Variants in DNAJC24 observed in about 807,000 individuals in gnomAD.
DNAJC24 encodes the protein DnaJ heat shock protein family (Hsp40) member C24.
DNAJC24 carries 17 observed loss-of-function variants against 18.0 expected under a neutral mutation model. The observed-to-expected ratio is 0.94, with a 90% CI of 0.65 to 1.42. The LOEUF is 1.42. DNAJC24 is among the 40% of genes most tolerant of loss of function. DNAJC24 has a pLI of 0.00. For missense variants in DNAJC24, 158 were observed against 175.6 expected (o/e 0.90, Z 0.57); for synonymous variants, 55 against 57.7 (o/e 0.95, Z 0.21).
intron 2 of DNAJC24, chr11:31,384,483 C>G (rs1952408326): frequency 6.6e-6 from 1 of 152,202 alleles, no homozygotes; most frequent in Non-Finnish European, 1.5e-5. Flanking sequence ...TTGAATTGTG[C>G]TGGATTTTGC....
intron 2 of DNAJC24, among the ~76,000 whole-genome samples, chr11:31,403,056 T>G (rs6484503): frequency 0.39 from 58,893 of 151,928 alleles, 11,841 homozygotes; most frequent in African/African-American, 0.47. Context: ...CCAAAGGACC[T>G]GAGTAAGGTA....
intron 2 of DNAJC24, among the ~76,000 whole-genome samples, chr11:31,371,491 C>T (rs143792251): frequency 1.8e-3 from 274 of 152,078 alleles, no homozygotes; most frequent in Middle Eastern, 0.017. Context: ...ATCTCTTTCT[C>T]ATCTTTTTAT....
At chr11:31,370,608 A>T (rs1259894009) in intron 1 of DNAJC24, 108 bp from the exon 2 acceptor site, 1 of 507,478 alleles carries the variant, frequency 2.0e-6, no homozygotes, top group Non-Finnish European at 3.5e-6. Context: ...TTTGCATTAT[A>T]ATCATGATTT....
At position 31,376,943 on chromosome 11, in the gene DNAJC24, A is replaced by G. The variant is rs534305171; in HGVS notation, c.111+6084A>G. Among the ~76,000 whole-genome samples, 6 of 152,268 alleles carry G rather than the reference A, an allele frequency of 3.9e-5. No individual in the cohort carries two copies. In the East Asian group the frequency reaches 1.2e-3, roughly 29 times the overall value. On this transcript the variant is annotated intron_variant, in intron 2 of 4. Transcript: ENST00000465995. ...TTCTAATAGATTTAAGGAGAAAATT[A>G]TAAGGGAAAAGCATATTATTTATAA... is the stretch of plus-strand genomic sequence containing the variant.
chr11:31,379,185 A>G (rs1007297525), intron 2 of DNAJC24, among the ~76,000 whole-genome samples: 8 of 152,120 alleles, frequency 5.3e-5, no homozygotes, highest in African/African-American at 1.9e-4. Flanking sequence ...CCAGTTAGGA[A>G]CCAGGCCATG....
In DNAJC24 at chr11:31,391,895, C is replaced by T. The variant is rs191909353; in HGVS notation, c.111+21036C>T. On this transcript the variant is annotated intron_variant, in intron 2 of 4. Transcript: ENST00000465995. ...AAATGGATTAAAAAATGTATATATA[C>T]ACAACGGAGTCCTATTCAGCCATAA... Among the ~76,000 whole-genome samples, 491 of 152,264 alleles carry T rather than the reference C, an allele frequency of 3.2e-3. 2 individuals are homozygous for T. Among genetic ancestry groups the T allele is most frequent in the African/African-American group, 0.011 (463 of 41,550 alleles).
At chr11:31,385,683 T>C (rs577160470) in intron 2 of DNAJC24, among the ~76,000 whole-genome samples, 1 of 152,282 alleles carries the variant, frequency 6.6e-6, no homozygotes, top group Non-Finnish European at 1.5e-5. Context: ...TTTTCCTCCC[T>C]CTTTTGACAA....
At chr11:31,371,886 C>T (rs1438442355) in intron 2 of DNAJC24, among the ~76,000 whole-genome samples, 6 of 130,190 alleles carry the variant, frequency 4.6e-5, no homozygotes, top group Non-Finnish European at 9.2e-5. Context: ...TGCAATGGTG[C>T]GATCTTGGCA....
At chr11:31,379,279 T>C (rs572989559) in intron 2 of DNAJC24, among the ~76,000 whole-genome samples, 2 of 152,216 alleles carry the variant, frequency 1.3e-5, no homozygotes, top group East Asian at 1.9e-4. Flanking sequence ...TGGGTTCTCA[T>C]AGGAGCACAA....
chr11:31,401,220 AAAC>A (rs1244761915), intron 2 of DNAJC24, among the ~76,000 whole-genome samples: 1 of 152,206 alleles, frequency 6.6e-6, no homozygotes, highest in African/African-American at 2.4e-5. Flanking sequence ...AAAAGTCAGT[AAAC>A]AATAGATGCT....
intron 2 of DNAJC24, among the ~76,000 whole-genome samples, chr11:31,411,015 G>A (rs1432589846): frequency 6.6e-6 from 1 of 152,190 alleles, no homozygotes; most frequent in Non-Finnish European, 1.5e-5. Context: ...GGGCTCTCAA[G>A]AGTAGGAAGG....
intron 2 of DNAJC24, chr11:31,408,067 T>A (rs1468418810): frequency 1.5e-5 from 7 of 455,128 alleles, no homozygotes; most frequent in Non-Finnish European, 3.1e-5. Context: ...ATAAAAAAAA[T>A]TCCGACTTGA....
At chr11:31,395,954 T>G (rs1952539562) in intron 2 of DNAJC24, among the ~76,000 whole-genome samples, 1 of 152,236 alleles carries the variant, frequency 6.6e-6, no homozygotes, top group South Asian at 2.1e-4. Context: ...CCCCTTTCCA[T>G]TAGCTTTTTC....
chr11:31,400,995 T>C (rs1174703499), intron 2 of DNAJC24, among the ~76,000 whole-genome samples: 1 of 152,146 alleles, frequency 6.6e-6, no homozygotes, highest in African/African-American at 2.4e-5. Flanking sequence ...AAAGGTCTAA[T>C]ATTCAGAATC....
At position 31,432,005 on chromosome 11, in the gene DNAJC24, T is replaced by G. The variant is rs534219350; in HGVS notation, c.*1604T>G. Among the ~76,000 whole-genome samples the G allele has an allele frequency of 6.6e-6, 1 of 152,260 alleles. No individual in the cohort carries two copies. The highest frequency in any genetic ancestry group is 2.1e-4 in the South Asian group (1 of 4,824). The stretch of plus-strand genomic sequence containing the variant: ...TTTAATATTTTGTGTACAGTAAAAG[T>G]CAGAACTCATTTAAAGAACTTTAAG... On this transcript the variant is annotated 3_prime_UTR_variant, in exon 5 of 5. Transcript: ENST00000465995.
At chr11:31,424,074 G>C (rs1203821264) in intron 3 of DNAJC24, among the ~76,000 whole-genome samples, 4 of 152,180 alleles carry the variant, frequency 2.6e-5, no homozygotes, top group Non-Finnish European at 4.4e-5. Flanking sequence ...TAGATTGGCA[G>C]TTGTATTTGC....
chr11:31,403,125 A>ATATGTGTGTG (rs140727906), intron 2 of DNAJC24, among the ~76,000 whole-genome samples: 5 of 146,566 alleles, frequency 3.4e-5, no homozygotes, highest in African/African-American at 7.6e-5. Flanking sequence ...GCATATATGC[A>ATATGTGTGTG]TGTGTGTGTG....
chr11:31,428,391 A>C (rs1223076), intron 4 of DNAJC24, among the ~76,000 whole-genome samples: 57,895 of 152,070 alleles, frequency 0.38, 14,083 homozygotes, highest in African/African-American at 0.69. Flanking sequence ...TTCTTGTAGA[A>C]ATACTTAAAA....
At chr11:31,412,321 T>C (rs919859305) in intron 2 of DNAJC24, among the ~76,000 whole-genome samples, 13 of 152,156 alleles carry the variant, frequency 8.5e-5, no homozygotes, top group African/African-American at 2.9e-4. Flanking sequence ...TTACTCCTAC[T>C]TTATAGATAC....
Sources: gnomAD v4.1 joint callset for allele counts (sites outside exome capture counted in the v4.1 genomes callset) on GRCh38, gnomAD v4.1.1 for gene constraint, MANE v1.5 for transcripts, NCBI Gene and HGNC (gene_info 2026-07-23, HGNC 2026-07-21) for gene names.